SLC10A7: variants seen among roughly 807,000 people sequenced by gnomAD.
SLC10A7 encodes the protein sodium/bile acid cotransporter 7.
Under a neutral mutation model 43.2 loss-of-function variants are expected in SLC10A7, and 29 were observed. The observed-to-expected ratio is 0.67, with a 90% CI of 0.50 to 0.92. The LOEUF (loss-of-function observed/expected upper bound fraction) is 0.92. Ranked by LOEUF, SLC10A7 falls within the 40% of genes least tolerant of loss-of-function variation. The probability of loss-of-function intolerance (pLI) is 0.00; values close to 1 mark genes in which losing one functional copy is unlikely to be tolerated. For missense variants in SLC10A7, 295 were observed against 403.2 expected (o/e 0.73, Z 2.30); for synonymous variants, 152 against 144.8 (o/e 1.05, Z -0.35).
At chr4:146,426,114 C>T (rs745612504) in intron 5 of SLC10A7, among the ~76,000 whole-genome samples, 57 of 152,132 alleles carry the variant, frequency 3.7e-4, no homozygotes, top group Non-Finnish European at 5.7e-4. Context: ...GGTAGAGCCA[C>T]AAAATTAGTT....
intron 8 of SLC10A7, among the ~76,000 whole-genome samples, chr4:146,293,724 C>T (rs1172336468): frequency 4.6e-5 from 7 of 151,938 alleles, no homozygotes; most frequent in East Asian, 1.9e-4. Context: ...GGGCAGCAGA[C>T]GCAAAAACAA....
intron 5 of SLC10A7, among the ~76,000 whole-genome samples, chr4:146,349,550 A>T (rs1335511506): frequency 1.3e-5 from 2 of 152,234 alleles, no homozygotes; most frequent in Non-Finnish European, 2.9e-5. Flanking sequence ...CTAAGAAGAC[A>T]CATGCACAAG....
chr4:146,409,362 C>A (rs1376498691), intron 5 of SLC10A7, among the ~76,000 whole-genome samples: 1 of 142,386 alleles, frequency 7.0e-6, no homozygotes, highest in East Asian at 2.1e-4. Context: ...CACTGTCAAA[C>A]TCAAAAAAGT....
In SLC10A7 at chr4:146,310,486, T is replaced by C. The variant is rs1032983802; in HGVS notation, c.472-4477A>G. On this transcript the variant is annotated intron_variant, in intron 6 of 11. Coordinates refer to ENST00000335472, the MANE Select transcript of SLC10A7 (RefSeq NM_001029998.6). ...TTCTCTGTAGCCTCTCCAGTATCTG[T>C]TGTTTTTTCACTTTCTAATAGTAGC... Among the ~76,000 whole-genome samples the C allele has an allele frequency of 2.0e-5, 3 of 151,728 alleles. No homozygotes were observed. The East Asian group carries it at 5.8e-4, about 29-fold the overall frequency.
chr4:146,354,492 C>T (rs1212018922), intron 5 of SLC10A7, among the ~76,000 whole-genome samples: 2 of 150,448 alleles, frequency 1.3e-5, no homozygotes, highest in African/African-American at 4.9e-5. Flanking sequence ...CAATGCCATC[C>T]CCATCAAGCT....
At chr4:146,384,882 T>C (rs1737880686) in intron 5 of SLC10A7, among the ~76,000 whole-genome samples, 1 of 152,106 alleles carries the variant, frequency 6.6e-6, no homozygotes, top group Non-Finnish European at 1.5e-5. Context: ...TGCTTTTTAA[T>C]GTGCCCATAT....
At chr4:146,347,938 G>C (rs1734741236) in intron 5 of SLC10A7, among the ~76,000 whole-genome samples, 1 of 152,024 alleles carries the variant, frequency 6.6e-6, no homozygotes. Context: ...TATAATAAAT[G>C]AAAAATAAAT....
At chr4:146,496,538 T>C (rs1735915908) in intron 4 of SLC10A7, among the ~76,000 whole-genome samples, 1 of 152,134 alleles carries the variant, frequency 6.6e-6, no homozygotes, top group African/African-American at 2.4e-5. Context: ...GTGACAGGTG[T>C]CCTTTCTCAC....
intron 10 of SLC10A7, among the ~76,000 whole-genome samples, chr4:146,272,384 T>C (rs534495410): frequency 1.3e-5 from 2 of 152,286 alleles, no homozygotes; most frequent in African/African-American, 4.8e-5. Flanking sequence ...GTCAAAAACC[T>C]ACTGGGTACC....
chr4:146,377,087 G>C (rs1377345557), intron 5 of SLC10A7, among the ~76,000 whole-genome samples: 1 of 72,076 alleles, frequency 1.4e-5, no homozygotes, highest in East Asian at 4.1e-4. Flanking sequence ...AGAATGTAAA[G>C]TACATTTTTT....
In SLC10A7 at chr4:146,388,772, C is replaced by CAA. The variant is rs1224551383; in HGVS notation, c.435+54009_435+54010dup. ...AGACTCTGTCAAAAAACAACAACAA[C>CAA]AAAAAAAAAAACCCTAGAAGAAAAC... On this transcript the variant is annotated intron_variant, in intron 5 of 11. Coordinates refer to ENST00000335472, the MANE Select transcript of SLC10A7 (RefSeq NM_001029998.6). Among the ~76,000 whole-genome samples the CAA allele has an allele frequency of 1.6e-3, 119 of 74,814 alleles. 1 individual carries two copies. The highest frequency in any genetic ancestry group is 5.5e-3 in the African/African-American group (116 of 20,924). The allele number at this position is 74,814 out of a possible 152,430, so 49.1% of individuals were successfully genotyped here.
In SLC10A7 at chr4:146,311,218, G is replaced by T. The variant is rs570232379; in HGVS notation, c.472-5209C>A. 2.0e-5 allele frequency among the ~76,000 whole-genome samples: 3 copies of T among 152,240 alleles called. No homozygotes were observed. In the East Asian group the frequency reaches 5.8e-4, roughly 29 times the overall value. ...ATTCAATCTAGAAACTATTTCATCT[G>T]AAAGAATCTGGGGGTCCACTTGGTA... is the stretch of plus-strand genomic sequence containing the variant. On this transcript the variant is annotated intron_variant, in intron 6 of 11. Transcript: ENST00000335472.
chr4:146,294,570 C>T lies in SLC10A7; in HGVS notation c.556-475G>A, dbSNP rs190586552. ...CCATGGAACATATTAATATTTAAAA[C>T]GCTAGCAATGCACCAGAAGTTTTTA... On this transcript the variant is annotated intron_variant, in intron 7 of 11. Transcript: ENST00000335472. Among the ~76,000 whole-genome samples the T allele has an allele frequency of 9.1e-4, 139 of 152,252 alleles. 1 individual carries two copies. Among genetic ancestry groups the T allele is most frequent in the African/African-American group, 2.3e-3 (95 of 41,554 alleles).
chr4:146,277,472 G>A (rs1036344114), intron 10 of SLC10A7, among the ~76,000 whole-genome samples: 3 of 152,078 alleles, frequency 2.0e-5, no homozygotes, highest in Admixed American at 2.0e-4. Context: ...CTTTCTTTAT[G>A]TGGATCAGAA....
chr4:146,367,206 A>G (rs113759427), intron 5 of SLC10A7, among the ~76,000 whole-genome samples: 16 of 152,240 alleles, frequency 1.1e-4, no homozygotes, highest in African/African-American at 3.8e-4. Context: ...TAGTATGTTA[A>G]AATTGTAACT....
At chr4:146,327,749 G>C (rs957779446) in intron 5 of SLC10A7, among the ~76,000 whole-genome samples, 15 of 152,216 alleles carry the variant, frequency 9.9e-5, no homozygotes, top group African/African-American at 2.9e-4. Flanking sequence ...GCTGCGACCG[G>C]CGCTGCCACA....
intron 5 of SLC10A7, among the ~76,000 whole-genome samples, chr4:146,388,604 A>T (rs568178733): frequency 4.5e-4 from 69 of 151,836 alleles, no homozygotes; most frequent in Non-Finnish European, 1.0e-4. Context: ...TAAAAATACA[A>T]AAAAATTAGC....
chr4:146,296,708 T>C (rs184266625), intron 7 of SLC10A7, among the ~76,000 whole-genome samples: 7 of 152,328 alleles, frequency 4.6e-5, no homozygotes, highest in Admixed American at 3.9e-4. Context: ...CCAGGTTGCA[T>C]AGAGCTTTTC....
intron 10 of SLC10A7, among the ~76,000 whole-genome samples, chr4:146,282,390 T>C (rs1729606816): frequency 6.6e-6 from 1 of 152,200 alleles, no homozygotes; most frequent in South Asian, 2.1e-4. Context: ...ACTAAGAACA[T>C]TGTAATGATT....
Sources: allele counts gnomAD v4.1 joint callset (sites outside exome capture counted in the v4.1 genomes callset), GRCh38; gene constraint gnomAD v4.1.1; transcripts MANE v1.5; gene names NCBI Gene and HGNC (gene_info 2026-07-23, HGNC 2026-07-21).